Variants in ZC3H12D observed in about 807,000 individuals in gnomAD.
The protein encoded by ZC3H12D is probable ribonuclease ZC3H12D.
In ZC3H12D, 11 loss-of-function variants were observed where a neutral mutation model predicts 24.2. The ratio of observed to expected loss-of-function variants is 0.46; its 90% CI spans 0.29 to 0.75. The LOEUF (loss-of-function observed/expected upper bound fraction) is 0.75, where lower values mean the gene tolerates loss of function less well. Ranked by LOEUF, ZC3H12D falls within the 30% of genes least tolerant of loss-of-function variation. The pLI is 0.11. For synonymous variants in ZC3H12D, 333 were observed against 341.8 expected (o/e 0.97, Z 0.28); for missense variants, 740 against 767.7 (o/e 0.96, Z 0.43).
At chr6:149,464,808 T>C (rs1776125190) in intron 2 of ZC3H12D, among the ~76,000 whole-genome samples, 1 of 152,132 alleles carries the variant, frequency 6.6e-6, no homozygotes, top group Non-Finnish European at 1.5e-5. Context: ...ATAACTGACA[T>C]GGTCTAGGGA....
chr6:149,474,200 G>A, intron 2 of ZC3H12D, 39 bp downstream of exon 2: 1 of 1,437,100 alleles, frequency 7.0e-7, no homozygotes, highest in East Asian at 2.4e-5. Context: ...TGCGAACAGG[G>A]GCCTCCCCAG....
chr6:149,475,559 T>C (rs1046779765), intron 1 of ZC3H12D, among the ~76,000 whole-genome samples: 2 of 151,616 alleles, frequency 1.3e-5, no homozygotes, highest in Admixed American at 6.6e-5. Flanking sequence ...CTACTAAAAA[T>C]ACAAAAATTA....
chr6:149,483,712 AGGGTTTTTT>A (rs1776458555), intron 1 of ZC3H12D, among the ~76,000 whole-genome samples: 1 of 152,014 alleles, frequency 6.6e-6, no homozygotes, highest in Non-Finnish European at 1.5e-5. Context: ...CATGGCTGGC[AGGGTTTTTT>A]TTATTTTTTG....
intron 4 of ZC3H12D, among the ~76,000 whole-genome samples, chr6:149,455,934 T>G (rs1258163491): frequency 1.4e-5 from 2 of 142,914 alleles, no homozygotes; most frequent in Admixed American, 6.9e-5. Context: ...TACTCCCATA[T>G]GTAATTCAAA....
In ZC3H12D at chr6:149,456,825, C is replaced by A. The variant is rs1775991067; in HGVS notation, c.521G>T (p.Arg174Leu). 1.1e-5 allele frequency: 18 copies of A among 1,612,290 alleles called. No individual in the cohort carries two copies. Among genetic ancestry groups the A allele is most frequent in the Non-Finnish European group, 1.5e-5 (18 of 1,179,778 alleles). ...GTAGCGGTCGTCGTAGCAGACCAGG[C>A]GCTTGCCGTGCACCTTGCGGGACGG... ...YTPSRKVHGK[R>L]LVCYDDRYIV... The change falls in exon 4 of 6, where the codon CGC becomes CTC. Residue 174 changes from arginine to leucine, a missense_variant. Coordinates refer to ENST00000409806, the MANE Select transcript of ZC3H12D (RefSeq NM_207360.3). The surrounding 1 kb of genome is among the most constrained non-coding windows in gnomAD (Gnocchi z 4.3).
intron 2 of ZC3H12D, among the ~76,000 whole-genome samples, chr6:149,469,176 A>G (rs565038413): frequency 5.9e-5 from 9 of 152,268 alleles, no homozygotes; most frequent in African/African-American, 2.2e-4. Context: ...GCTGCAACTC[A>G]GCCGGGAGCG....
chr6:149,474,526 C>A lies in ZC3H12D; in HGVS notation c.18G>T (p.Lys6Asn). 6.5e-7 allele frequency: 1 copy of A among 1,533,402 alleles called. No homozygotes were observed. Among genetic ancestry groups the A allele is most frequent in the Non-Finnish European group, 8.8e-7 (1 of 1,132,496 alleles). 95.0% of individuals were successfully genotyped at this position (1,533,402 alleles called of 1,614,324 possible). MEHPS[K>N]MEFFQKLGYD... ...AGCCCAGCTTCTGGAAGAATTCCATCTTGCTGGGGTGCTCCATGCTGTGCC... is the reference window on the plus strand; with the variant it reads ...AGCCCAGCTTCTGGAAGAATTCCATATTGCTGGGGTGCTCCATGCTGTGCC... Residue 6 changes from lysine (K) to asparagine (N), a missense_variant, in exon 2 of 6, where the codon AAG becomes AAT. Coordinates refer to ENST00000409806, the MANE Select transcript of ZC3H12D (RefSeq NM_207360.3).
rs1775882366 is a variant in ZC3H12D, at chr6:149,451,000, G to A, written c.1267C>T (p.His423Tyr). Residue 423 changes from histidine (H) to tyrosine (Y), a missense_variant, in exon 6 of 6, where the codon CAC becomes TAC. His to Tyr is a moderately conservative substitution (Grantham distance 83). Transcript: ENST00000409806. ...PRGEHRPRDL[H>Y]GDLLSPRRPP... ...CTGCGCGGGGAAAGCAAGTCGCCGT[G>A]CAGGTCCCTAGGGCGGTGTTCGCCC... 1 of 1,514,426 alleles carries A rather than the reference G, an allele frequency of 6.6e-7. No individual in the cohort carries two copies. The allele number at this position is 1,514,426 out of a possible 1,614,324, so 93.8% of individuals were successfully genotyped here.
At position 149,452,539 on chromosome 6, in the gene ZC3H12D, C is replaced by A. The variant is rs376245833; in HGVS notation, c.787+77G>T. Reference sequence around the variant, plus strand: ...CCCAGGCCGCTGAGCACCAGGCCAGCGCTTTTTGACTGTGCTCCTGTACTG... The same window carrying A: ...CCCAGGCCGCTGAGCACCAGGCCAGAGCTTTTTGACTGTGCTCCTGTACTG... On this transcript the variant is annotated intron_variant, in intron 5 of 5. Transcript: ENST00000409806. The surrounding 1 kb of genome is among the most constrained non-coding windows in gnomAD (Gnocchi z 4.0). 3.2e-6 allele frequency: 4 copies of A among 1,232,196 alleles called. No homozygotes were observed. Among genetic ancestry groups the A allele is most frequent in the South Asian group, 3.5e-5 (2 of 57,418 alleles). 76.3% of individuals were successfully genotyped at this position (1,232,196 alleles called of 1,614,324 possible).
At chr6:149,469,474 T>G (rs970620687) in intron 2 of ZC3H12D, among the ~76,000 whole-genome samples, 4 of 150,928 alleles carry the variant, frequency 2.7e-5, no homozygotes, top group Non-Finnish European at 5.9e-5. Flanking sequence ...AAAAAGAAAA[T>G]GCTGCAACTG....
rs1775835554 is a variant in ZC3H12D at position 149,449,114 on chromosome 6, C to A, written c.*1569G>T. ...TCGGGGGTCGGCACTCTGGCAGCAC[C>A]ATCTCACTTCTTAGCCATTGCAAAT... On this transcript the variant is annotated 3_prime_UTR_variant, in exon 6 of 6. Transcript: ENST00000409806. 6.6e-6 allele frequency: 1 copy of A among 152,214 alleles called. No individual in the cohort carries two copies. Among genetic ancestry groups the A allele is most frequent in the Non-Finnish European group, 1.5e-5 (1 of 68,054 alleles). 9.4% of individuals were successfully genotyped at this position (152,214 alleles called of 1,614,324 possible).
At chr6:149,478,179 A>C (rs1044545766) in intron 1 of ZC3H12D, among the ~76,000 whole-genome samples, 18 of 151,994 alleles carry the variant, frequency 1.2e-4, no homozygotes, top group South Asian at 2.1e-4. Flanking sequence ...AAAAAAAAAA[A>C]AAAAAACTAT....
rs1583183187 is a variant in ZC3H12D, at chr6:149,452,314, T to C, written c.787+302A>G. The stretch of plus-strand genomic sequence containing the variant: ...GCTGCCAGGGGCCAGGTGAAGGGAC[T>C]GAGACCCGCAGCTGGGTTTGTGTCC... On this transcript the variant is annotated intron_variant, in intron 5 of 5. Coordinates refer to ENST00000409806, the MANE Select transcript of ZC3H12D (RefSeq NM_207360.3). This position sits in a 1 kb window ranked among gnomAD's most constrained non-coding sequence, Gnocchi z 4.0. The C allele has an allele frequency of 2.5e-5, 8 of 319,002 alleles. No homozygotes were observed. In the East Asian group the frequency reaches 4.3e-4, roughly 17 times the overall value. The allele number at this position is 319,002 out of a possible 1,614,324, so 19.8% of individuals were successfully genotyped here.
intron 4 of ZC3H12D, among the ~76,000 whole-genome samples, chr6:149,455,954 T>TA (rs368705273): frequency 0.36 from 51,698 of 141,782 alleles, 9,745 homozygotes; most frequent in African/African-American, 0.49. Flanking sequence ...AATTTTGATT[T>TA]AAAAAAAAAA....
chr6:149,463,348 G>A (rs911395632), intron 2 of ZC3H12D, among the ~76,000 whole-genome samples: 2 of 152,228 alleles, frequency 1.3e-5, no homozygotes, highest in African/African-American at 4.8e-5. Flanking sequence ...CTCCTAAGAG[G>A]AATTAAAAAG....
intron 1 of ZC3H12D, among the ~76,000 whole-genome samples, chr6:149,477,645 T>C (rs535775756): frequency 6.6e-6 from 1 of 152,244 alleles, no homozygotes; most frequent in East Asian, 1.9e-4. Context: ...CATCAGCACC[T>C]ATATTCCGAT....
At chr6:149,477,456 C>A (rs1407330901) in intron 1 of ZC3H12D, among the ~76,000 whole-genome samples, 1 of 152,258 alleles carries the variant, frequency 6.6e-6, no homozygotes, top group African/African-American at 2.4e-5. Flanking sequence ...TGCCACCTCT[C>A]TGCCGCTTTT....
In ZC3H12D at chr6:149,451,221, A is replaced by T. The variant is rs1344049379; in HGVS notation, c.1046T>A (p.Leu349Gln). 1 of 1,302,640 alleles carries T rather than the reference A, an allele frequency of 7.7e-7. No individual in the cohort carries two copies. The highest frequency in any genetic ancestry group is 4.2e-5 in the Admixed American group (1 of 23,842). The allele number at this position is 1,302,640 out of a possible 1,614,324, so 80.7% of individuals were successfully genotyped here. A position where few individuals can be genotyped will look rare whatever the true frequency, so the allele number is the denominator to read the frequency against. ...GGGCCCCAGGTCGTCGCTGAAGGCC[A>T]GCCGAGAGAAGCTCCCTCGCAGGGC... ...LAALRGSFSR[L>Q]AFSDDLGPLG... The change falls in exon 6 of 6, where the codon CTG becomes CAG. Residue 349 changes from leucine to glutamine, a missense_variant. By Grantham distance (113) the Leu-to-Gln change is moderately radical. Coordinates refer to ENST00000409806, the MANE Select transcript of ZC3H12D (RefSeq NM_207360.3).
Position 149,466,278 on chromosome 6 carries a change from C to T in ZC3H12D, c.306-4308G>A, listed in dbSNP as rs540569334. Among the ~76,000 whole-genome samples the T allele has an allele frequency of 2.4e-3, 371 of 151,790 alleles. 1 individual carries two copies. Among genetic ancestry groups the T allele is most frequent in the Middle Eastern group, 0.01 (3 of 294 alleles). On this transcript the variant is annotated intron_variant, in intron 2 of 5. Coordinates refer to ENST00000409806, the MANE Select transcript of ZC3H12D (RefSeq NM_207360.3). ...GGTCTCAAAGGCCCCAGAGGCCATCCGAGATGGGAGGGGGCGGAGAGGAAC... is the reference window on the plus strand; with the variant it reads ...GGTCTCAAAGGCCCCAGAGGCCATCTGAGATGGGAGGGGGCGGAGAGGAAC...
Sources: gnomAD v4.1 joint callset for allele counts (sites outside exome capture counted in the v4.1 genomes callset) on GRCh38, gnomAD v4.1.1 for gene constraint, Gnocchi (gnomAD v3.1) non-coding constraint, MANE v1.5 for transcripts, NCBI Gene and HGNC (gene_info 2026-07-23, HGNC 2026-07-21) for gene names.